LOC112267897: variants seen among roughly 807,000 people sequenced by gnomAD.
chr13:63,747,175 C>G, the LOC112267897 span: 1 of 1,561,708 alleles, frequency 6.4e-7, no homozygotes, highest in East Asian at 2.3e-5. Flanking sequence ...TTAGAAGATG[C>G]TATTCTTCCT....
chr13:63,747,336 G>A, the LOC112267897 span: 1 of 558,080 alleles, frequency 1.8e-6, no homozygotes, highest in Non-Finnish European at 3.0e-6. Context: ...TTCTTTGAAT[G>A]AAATCATGGC....
At chr13:63,747,019 C>T in the LOC112267897 span, 1 of 1,569,416 alleles carries the variant, frequency 6.4e-7, no homozygotes, top group African/African-American at 1.4e-5. Flanking sequence ...GTGGCTATGG[C>T]TCTGGCTACA....
the LOC112267897 span, chr13:63,747,846 G>A: frequency 8.6e-6 from 1 of 116,828 alleles, no homozygotes; most frequent in Admixed American, 8.3e-5. Flanking sequence ...TCAATAAGTT[G>A]AGATACACAA....
chr13:63,747,110 T>G, the LOC112267897 span: 1 of 1,602,894 alleles, frequency 6.2e-7, no homozygotes, highest in Non-Finnish European at 8.5e-7. Context: ...TGGAACTGGC[T>G]ATGGCTGTGG....
the LOC112267897 span, chr13:63,747,221 A>G: frequency 7.4e-7 from 1 of 1,355,394 alleles, no homozygotes; most frequent in South Asian, 1.2e-5. Context: ...ATTTGCTTCT[A>G]AAATGACACG....
At chr13:63,746,964 G>C in the LOC112267897 span, 1 of 1,416,218 alleles carries the variant, frequency 7.1e-7, no homozygotes, top group East Asian at 2.3e-5. Context: ...TATGGCTGTG[G>C]CTATGGCTCC....
the LOC112267897 span, chr13:63,747,363 T>C: frequency 1.7e-5 from 8 of 480,948 alleles, no homozygotes; most frequent in Non-Finnish European, 2.5e-5. Flanking sequence ...ATCCACGGTG[T>C]CATCTGACTG....
chr13:63,747,068 A>T, the LOC112267897 span: 4 of 1,605,070 alleles, frequency 2.5e-6, no homozygotes, highest in African/African-American at 1.4e-5. Flanking sequence ...TGGCTATGGA[A>T]CTGGCTTCGG....
At chr13:63,746,780 C>T in the LOC112267897 span, 1 of 1,429,450 alleles carries the variant, frequency 7.0e-7, no homozygotes, top group African/African-American at 1.5e-5. Flanking sequence ...AAACCCATCT[C>T]AATTCTCTCC....
the LOC112267897 span, chr13:63,747,837 C>T: frequency 8.3e-6 from 1 of 119,764 alleles, no homozygotes; most frequent in East Asian, 2.1e-4. Flanking sequence ...TTCTAGATTT[C>T]AATAAGTTGA....
the LOC112267897 span, chr13:63,747,306 T>C: frequency 1.5e-6 from 1 of 674,208 alleles, no homozygotes; most frequent in Non-Finnish European, 2.4e-6. Flanking sequence ...TGACAGAGTC[T>C]TGGACCTCTA....
At chr13:63,747,065 G>C in the LOC112267897 span, 2 of 1,605,146 alleles carry the variant, frequency 1.2e-6, no homozygotes, top group South Asian at 2.2e-5. Flanking sequence ...CTGTGGCTAT[G>C]GAACTGGCTT....
the LOC112267897 span, chr13:63,747,388 T>C: frequency 3.8e-5 from 16 of 425,850 alleles, no homozygotes; most frequent in South Asian, 3.5e-4. Flanking sequence ...CCAAATGTTA[T>C]CTTTTGCTCC....
the LOC112267897 span, chr13:63,746,884 T>C: frequency 7.0e-7 from 1 of 1,436,542 alleles, no homozygotes; most frequent in Non-Finnish European, 9.8e-7. Flanking sequence ...GCTATGGCTA[T>C]GGCTCCAGCT....
At chr13:63,747,200 G>A in the LOC112267897 span, 4 of 1,499,372 alleles carry the variant, frequency 2.7e-6, no homozygotes, top group Non-Finnish European at 3.6e-6. Flanking sequence ...AAACATCACT[G>A]TCAGAGGACA....
the LOC112267897 span, chr13:63,746,761 A>G: frequency 7.2e-7 from 1 of 1,394,858 alleles, no homozygotes; most frequent in Admixed American, 1.7e-5. Flanking sequence ...CCTCAGAAGC[A>G]TCTTCTTGAA....
chr13:63,747,004 C>G, the LOC112267897 span: 1 of 1,519,194 alleles, frequency 6.6e-7, no homozygotes, highest in African/African-American at 1.5e-5. Context: ...GAACTGGCTA[C>G]AGCTGTGGCT....
chr13:63,746,922 G>T, the LOC112267897 span: 1 of 1,457,120 alleles, frequency 6.9e-7, no homozygotes, highest in South Asian at 1.1e-5. Context: ...ACTGGCTACA[G>T]CTGTGGCTAT....
the LOC112267897 span, chr13:63,746,915 G>T: frequency 6.9e-7 from 1 of 1,442,060 alleles, no homozygotes; most frequent in Non-Finnish European, 9.7e-7. Flanking sequence ...CTATGGAACT[G>T]GCTACAGCTG....
Sources: allele counts gnomAD v4.1 joint callset, GRCh38; gene constraint gnomAD v4.1.1; transcripts MANE v1.5.